Variants in DLD observed in about 807,000 individuals in gnomAD.
DLD encodes dihydrolipoyl dehydrogenase, mitochondrial.
A neutral mutation model predicts 62.2 loss-of-function variants in DLD; 36 were observed. The ratio of observed to expected loss-of-function variants is 0.58; its 90% CI spans 0.44 to 0.76. The LOEUF is 0.76. Ranked by LOEUF, DLD falls within the 30% of genes least tolerant of loss-of-function variation. The probability of loss-of-function intolerance (pLI) is 0.00; values close to 1 mark genes in which losing one functional copy is unlikely to be tolerated. For missense variants in DLD, 541 were observed against 608.6 expected (o/e 0.89, Z 1.17); for synonymous variants, 204 against 199.6 (o/e 1.02, Z -0.19).
rs1372000277 is a variant in DLD, at chr7:107,891,196, C to T, written c.-55C>T. 32 of 1,608,838 alleles carry T rather than the reference C, an allele frequency of 2.0e-5. No homozygotes were observed. Among genetic ancestry groups the T allele is most frequent in the Non-Finnish European group, 2.6e-5 (30 of 1,175,804 alleles). On this transcript the variant is annotated 5_prime_UTR_variant, in exon 1 of 14. Coordinates refer to ENST00000205402, the MANE Select transcript of DLD (RefSeq NM_000108.5). ...GGGAGGGGAGACCTTGGCGGAGCGG[C>T]GGAGGCGCCCAGCGGAGGTGAAAGT...
chr7:107,895,875 T>TAC (rs1201990900), intron 2 of DLD, among the ~76,000 whole-genome samples: 2 of 152,246 alleles, frequency 1.3e-5, no homozygotes, highest in Admixed American at 6.5e-5. Context: ...CATTTATATA[T>TAC]ACACACACAC....
intron 2 of DLD, among the ~76,000 whole-genome samples, chr7:107,895,699 A>T (rs1391392567): frequency 6.6e-6 from 1 of 152,236 alleles, no homozygotes; most frequent in Admixed American, 6.5e-5. Context: ...CCATAGACTT[A>T]AGCATAGGGA....
intron 7 of DLD, 54 bp from the exon 8 acceptor site, chr7:107,906,213 A>G (rs2032002675): frequency 5.3e-6 from 6 of 1,140,438 alleles, no homozygotes; most frequent in Non-Finnish European, 5.3e-6. Flanking sequence ...TGGAGGGTCG[A>G]CTGTACTAGG....
Position 107,907,977 on chromosome 7 carries a change from A to G in DLD, c.684+1609A>G, listed in dbSNP as rs186923697. Among the ~76,000 whole-genome samples the G allele has an allele frequency of 3.8e-3, 580 of 152,182 alleles. 2 individuals are homozygous for G. The highest frequency in any genetic ancestry group is 0.013 in the African/African-American group (542 of 41,528). The stretch of plus-strand genomic sequence containing the variant: ...CTCAATCTGTTGGACTAATTTCTTC[A>G]CTGCTTTATTTGGCAGTAATTAGCA... On this transcript the variant is annotated intron_variant, in intron 8 of 13. Coordinates refer to ENST00000205402, the MANE Select transcript of DLD (RefSeq NM_000108.5).
In DLD at chr7:107,917,447, G is replaced by A. The variant is rs748064769; in HGVS notation, c.1221G>A (p.Glu407=). 7 of 1,614,124 alleles carry A rather than the reference G, an allele frequency of 4.3e-6. No homozygotes were observed. Among genetic ancestry groups the A allele is most frequent in the African/African-American group, 2.7e-5 (2 of 75,054 alleles). The stretch of plus-strand genomic sequence containing the variant: ...TTGCTTGGGTTGGCAAATCAGAAGA[G>A]CAGTTGAAAGAAGAGGTAAGTCTGA... ...PEVAWVGKSE[E]QLKEEGIEYK... is the part of the protein sequence containing the mutation. Residue 407 remains glutamate (E), a synonymous_variant, in exon 11 of 14, where the codon GAG becomes GAA. Transcript: ENST00000205402.
At chr7:107,894,682 C>T (rs899538307) in intron 2 of DLD, among the ~76,000 whole-genome samples, 41 of 152,228 alleles carry the variant, frequency 2.7e-4, no homozygotes, top group Middle Eastern at 3.4e-3. Flanking sequence ...TTATTCAGTG[C>T]CTTCTATTTG....
chr7:107,896,201 G>GAGA (rs1205294044), intron 2 of DLD, among the ~76,000 whole-genome samples: 3 of 152,222 alleles, frequency 2.0e-5, no homozygotes, highest in African/African-American at 7.2e-5. Flanking sequence ...TAACAACAGA[G>GAGA]AGAATAACAT....
intron 3 of DLD, 81 bp downstream of exon 3, chr7:107,901,898 A>G: frequency 8.9e-7 from 1 of 1,122,168 alleles, no homozygotes; most frequent in East Asian, 2.4e-5. Context: ...CTTTGCAGGC[A>G]AAAACATGGT....
intron 2 of DLD, among the ~76,000 whole-genome samples, chr7:107,900,310 T>C (rs1036754376): frequency 2.0e-5 from 3 of 152,126 alleles, no homozygotes; most frequent in Non-Finnish European, 4.4e-5. Context: ...ATGTGTGTTT[T>C]TGGGGAGAGG....
chr7:107,901,992 A>C (rs2031887167), intron 3 of DLD, among the ~76,000 whole-genome samples, 175 bp downstream of exon 3: 1 of 152,178 alleles, frequency 6.6e-6, no homozygotes, highest in African/African-American at 2.4e-5. Flanking sequence ...TTCTCTTGGA[A>C]TGGAAAGTGA....
chr7:107,892,681 G>T (rs1179309780), intron 1 of DLD, among the ~76,000 whole-genome samples: 4 of 152,094 alleles, frequency 2.6e-5, no homozygotes, highest in African/African-American at 9.7e-5. Flanking sequence ...GAGTAGCTGG[G>T]ATTACAGGCA....
At chr7:107,910,808 AG>A (rs1292972175) in intron 8 of DLD, among the ~76,000 whole-genome samples, 1 of 152,190 alleles carries the variant, frequency 6.6e-6, no homozygotes, top group Non-Finnish European at 1.5e-5. Flanking sequence ...CCTATCTATA[AG>A]TATTTTGAAA....
chr7:107,900,325 G>A (rs939852439), intron 2 of DLD, among the ~76,000 whole-genome samples: 15 of 152,034 alleles, frequency 9.9e-5, no homozygotes, highest in African/African-American at 3.4e-4. Context: ...GAGAGGGGGT[G>A]ATGCAAATTA....
intron 6 of DLD, 91 bp downstream of exon 6, chr7:107,905,149 G>C: frequency 9.5e-7 from 1 of 1,056,564 alleles, no homozygotes; most frequent in South Asian, 1.4e-5. Flanking sequence ...TGGTTACAGG[G>C]GAATATTTAT....
intron 8 of DLD, among the ~76,000 whole-genome samples, chr7:107,912,894 T>C (rs1418187488): frequency 6.6e-6 from 1 of 152,140 alleles, no homozygotes; most frequent in Non-Finnish European, 1.5e-5. Context: ...CCTGGAGCAT[T>C]TCTCCAATGT....
At chr7:107,912,016 GCTCT>G (rs1202822598) in intron 8 of DLD, among the ~76,000 whole-genome samples, 6 of 150,266 alleles carry the variant, frequency 4.0e-5, no homozygotes, top group African/African-American at 1.5e-4. Flanking sequence ...CCATCATTTT[GCTCT>G]CTATCTCCAT....
In DLD at chr7:107,915,714, G is replaced by C; in HGVS notation, c.875+18G>C. 6.2e-7 allele frequency: 1 copy of C among 1,604,830 alleles called. No individual in the cohort carries two copies. Among genetic ancestry groups the C allele is most frequent in the Non-Finnish European group, 8.5e-7 (1 of 1,172,362 alleles). ...GATGTTTCGTAAGTATACATCATTTGTTTTTGATGTATCATCCCTGTCTCT... is the reference window on the plus strand; with the variant it reads ...GATGTTTCGTAAGTATACATCATTTCTTTTTGATGTATCATCCCTGTCTCT... On this transcript the variant is annotated intron_variant, in intron 9 of 13. Coordinates refer to ENST00000205402, the MANE Select transcript of DLD (RefSeq NM_000108.5).
At chr7:107,900,981 AACTC>A (rs2031861564) in intron 2 of DLD, among the ~76,000 whole-genome samples, 1 of 152,152 alleles carries the variant, frequency 6.6e-6, no homozygotes, top group Non-Finnish European at 1.5e-5. Flanking sequence ...ACAATTGTTA[AACTC>A]CTAAGGATAC....
intron 12 of DLD, 97 bp from the exon 13 acceptor site, chr7:107,918,913 G>GT: frequency 1.0e-6 from 1 of 992,494 alleles, no homozygotes; most frequent in Non-Finnish European, 1.6e-6. Flanking sequence ...GATTTAAGGC[G>GT]TTTTTAAGAT....
Sources: gnomAD v4.1 joint callset for allele counts (sites outside exome capture counted in the v4.1 genomes callset) on GRCh38, gnomAD v4.1.1 for gene constraint, MANE v1.5 for transcripts, NCBI Gene and HGNC (gene_info 2026-07-23, HGNC 2026-07-21) for gene names.